ATG3: variants seen among roughly 807,000 people sequenced by gnomAD.
ATG3 encodes ubiquitin-like-conjugating enzyme ATG3.
In ATG3, 25 loss-of-function variants were observed where a neutral mutation model predicts 50.7. The observed-to-expected ratio is 0.49, with a 90% confidence interval of 0.36 to 0.69. The LOEUF is 0.69. Among genes scored for constraint, ATG3 ranks in the 30% least tolerant of loss-of-function variants. The pLI is 0.00. For missense variants in ATG3, 281 were observed against 376.0 expected (o/e 0.75, Z 2.09); for synonymous variants, 119 against 125.5 (o/e 0.95, Z 0.34).
chr3:112,538,386 T>C (rs1933133866), intron 7 of ATG3: 1 of 525,572 alleles, frequency 1.9e-6, no homozygotes, highest in Non-Finnish European at 3.4e-6. Flanking sequence ...GTTTAAGGCT[T>C]GACATAATAA....
chr3:112,558,442 ATAT>A (rs1933746724), intron 1 of ATG3, 25 bp from the exon 2 acceptor site: 1 of 1,509,408 alleles, frequency 6.6e-7, no homozygotes, highest in Non-Finnish European at 9.2e-7. Context: ...AAGAAAAACA[ATAT>A]TATATCATGT....
In ATG3 at chr3:112,548,636, C is replaced by T. The variant is rs768741520; in HGVS notation, c.240G>A (p.Pro80=). 39 of 1,613,016 alleles carry T rather than the reference C, an allele frequency of 2.4e-5. No homozygotes were observed. The highest frequency in any genetic ancestry group is 1.7e-4 in the Middle Eastern group (1 of 6,056). Residue 80 remains proline (P), a synonymous_variant, in exon 5 of 12, where the codon CCG becomes CCA. Transcript: ENST00000283290. The part of the protein sequence containing the change: ...GKQFLVTKNV[P]CYKRCKQMEY... ...CCATCTGTTTGCACCGCTTATAGCA[C>T]GGCACTATAAAAAAAATGGTAAATA...
chr3:112,550,387 T>C, intron 3 of ATG3, 125 bp from the exon 4 acceptor site: 2 of 790,946 alleles, frequency 2.5e-6, no homozygotes, highest in Non-Finnish European at 2.0e-6. Flanking sequence ...TGGTTTAAAA[T>C]TGATTTGGGA....
intron 1 of ATG3, 126 bp downstream of exon 1, chr3:112,561,331 G>A (rs910010246): frequency 2.2e-5 from 21 of 943,522 alleles, no homozygotes; most frequent in Non-Finnish European, 3.5e-5. Context: ...ACACTTCCCT[G>A]TGTCTCGAGC....
intron 10 of ATG3, chr3:112,535,997 A>G (rs16859727): frequency 0.067 from 10,322 of 154,566 alleles, 434 homozygotes; most frequent in Admixed American, 0.12. Flanking sequence ...TAAGGCTGAC[A>G]AGCTCTCAAC....
At chr3:112,549,065 G>A (rs1933455010) in intron 4 of ATG3, among the ~76,000 whole-genome samples, 1 of 152,186 alleles carries the variant, frequency 6.6e-6, no homozygotes, top group South Asian at 2.1e-4. Context: ...TTGTTTTCAA[G>A]GCTAAAGTAA....
chr3:112,545,644 C>T (rs1348418986), intron 5 of ATG3, among the ~76,000 whole-genome samples: 2 of 152,084 alleles, frequency 1.3e-5, no homozygotes, highest in African/African-American at 4.8e-5. Flanking sequence ...TACGAATTGA[C>T]TGCGGAACAT....
intron 9 of ATG3, among the ~76,000 whole-genome samples, chr3:112,537,291 T>C (rs1309987202): frequency 6.6e-6 from 1 of 152,236 alleles, no homozygotes; most frequent in Non-Finnish European, 1.5e-5. Context: ...CAAGTTGATT[T>C]CCTGTCAATT....
At chr3:112,547,380 C>T (rs1290180879) in intron 5 of ATG3, among the ~76,000 whole-genome samples, 1 of 152,060 alleles carries the variant, frequency 6.6e-6, no homozygotes, top group Non-Finnish European at 1.5e-5. Context: ...AGCACATTTT[C>T]CATTCCAAAA....
chr3:112,539,093 A>G (rs751865280), intron 7 of ATG3, among the ~76,000 whole-genome samples: 1 of 152,072 alleles, frequency 6.6e-6, no homozygotes. Context: ...CATCCCTACC[A>G]ATGTTACGAC....
At chr3:112,534,976 T>C (rs995641677) in intron 10 of ATG3, 1 of 152,084 alleles carries the variant, frequency 6.6e-6, no homozygotes, top group Non-Finnish European at 1.5e-5. Context: ...TCCAATTCTA[T>C]GTAAAAATAA....
intron 10 of ATG3, chr3:112,536,240 C>T (rs1933040495): frequency 2.2e-6 from 1 of 445,574 alleles, no homozygotes. Flanking sequence ...TATAAACACC[C>T]ACAGAGAACA....
chr3:112,542,003 T>C (rs1933244363), intron 6 of ATG3, 119 bp from the exon 7 acceptor site: 1 of 697,738 alleles, frequency 1.4e-6, no homozygotes, highest in South Asian at 2.5e-5. Context: ...GCAGTTCTTG[T>C]CCACAAAAAC....
chr3:112,532,846 AT>A, intron 11 of ATG3, 66 bp from the exon 12 acceptor site: 1 of 1,455,172 alleles, frequency 6.9e-7, no homozygotes, highest in Non-Finnish European at 9.1e-7. Context: ...CCATGTTGTA[AT>A]TATCCATTTT....
Position 112,558,900 on chromosome 3 carries a change from G to A in ATG3, c.73-483C>T, listed in dbSNP as rs1037925932. On this transcript the variant is annotated intron_variant, in intron 1 of 11. Transcript: ENST00000283290. ...ATTACAGGCATGTGCCACCATGCCC[G>A]GCTAATTTTTGCATTTTTAGTAGAG... Among the ~76,000 whole-genome samples the A allele has an allele frequency of 4.6e-5, 7 of 151,974 alleles. No homozygotes were observed. The South Asian group carries it at 6.2e-4, about 14-fold the overall frequency.
At chr3:112,541,030 A>G (rs114604807) in intron 7 of ATG3, among the ~76,000 whole-genome samples, 1,656 of 152,302 alleles carry the variant, frequency 0.011, 28 homozygotes, top group African/African-American at 0.037. Context: ...GTGATTCTCA[A>G]CTGGCAACTC....
At chr3:112,544,658 G>GGAAAAAAAAAAAA (rs1553738119) in intron 5 of ATG3, among the ~76,000 whole-genome samples, 3 of 64,102 alleles carry the variant, frequency 4.7e-5, no homozygotes, top group African/African-American at 8.4e-5. Context: ...CCGTCTCAGG[G>GGAAAAAAAAAAAA]AAAAAAAAAA....
rs571726793 is a variant in ATG3, at chr3:112,548,573, A to G, written c.303T>C (p.Asp101=). 1.9e-6 allele frequency: 3 copies of G among 1,613,950 alleles called. No homozygotes were observed. The highest frequency in any genetic ancestry group is 2.5e-6 in the Non-Finnish European group (3 of 1,179,922). The part of the protein sequence containing the change: ...SDELEAIIEE[D]DGDGGWVDTY... ...TATCTACCCATCCGCCATCACCATCATCTTCTTCAATGATAGCTTCCAATT... is the reference window on the plus strand; with the variant it reads ...TATCTACCCATCCGCCATCACCATCGTCTTCTTCAATGATAGCTTCCAATT... Residue 101 remains aspartate, a synonymous_variant, in exon 5 of 12, where the codon GAT becomes GAC. Transcript: ENST00000283290.
chr3:112,535,152 A>G (rs1186685769), intron 10 of ATG3: 1 of 152,170 alleles, frequency 6.6e-6, no homozygotes, highest in African/African-American at 2.4e-5. Flanking sequence ...TTAAAGAAAC[A>G]GTCTTTTTAA....
Sources: allele counts gnomAD v4.1 joint callset (sites outside exome capture counted in the v4.1 genomes callset), GRCh38; gene constraint gnomAD v4.1.1; transcripts MANE v1.5; gene names NCBI Gene and HGNC (gene_info 2026-07-23, HGNC 2026-07-21).